ALDH3A1: variants seen among roughly 807,000 people sequenced by gnomAD.
ALDH3A1 encodes aldehyde dehydrogenase 3 family member A1, also known as aldehyde dehydrogenase, dimeric NADP-preferring.
ALDH3A1 carries 46 observed loss-of-function variants against 49.9 expected under a neutral mutation model. That is an observed-to-expected ratio of 0.92 (90% confidence interval 0.73 to 1.18). ALDH3A1 has a LOEUF of 1.18. Ranked by LOEUF, ALDH3A1 falls within the 50% of genes most tolerant of loss-of-function variation. The pLI is 0.00. For synonymous variants in ALDH3A1, 269 were observed against 253.3 expected, an observed-to-expected ratio of 1.06 and a Z score of -0.59; for missense variants, 592 against 611.8, an observed-to-expected ratio of 0.97 and a Z score of 0.34.
chr17:19,740,854 T>C (rs909852908), intron 6 of ALDH3A1, among the ~76,000 whole-genome samples: 2 of 152,154 alleles, frequency 1.3e-5, no homozygotes, highest in African/African-American at 4.8e-5. Flanking sequence ...TTTGTAAAGA[T>C]GGGATCTTGC....
intron 6 of ALDH3A1, 94 bp downstream of exon 6, chr17:19,740,999 A>G: frequency 1.1e-6 from 1 of 917,276 alleles, no homozygotes; most frequent in African/African-American, 1.6e-5. Flanking sequence ...AAATAAATCC[A>G]GTGTTTCCAA....
chr17:19,740,419 C>T lies in ALDH3A1; in HGVS notation c.866G>A (p.Arg289Gln), dbSNP rs115638369. The T allele has an allele frequency of 1.2e-4, 201 of 1,614,104 alleles. No individual in the cohort carries two copies. In the African/African-American group the frequency reaches 1.8e-3, roughly 15 times the overall value. Residue 289 changes from arginine to glutamine, a missense_variant, in exon 7 of 11, where the codon CGG becomes CAG. Transcript: ENST00000225740. ...SRDYGRIISA[R>Q]HFQRVMGLIE... ...CAGGCCCATCACCCTCTGGAAGTGC[C>T]GGGCACTAATGATTCTTCCATAGTC...
Position 19,738,186 on chromosome 17 carries a change from C to T in ALDH3A1, c.*35G>A. 1 of 1,613,698 alleles carries T rather than the reference C, an allele frequency of 6.2e-7. No homozygotes were observed. The highest frequency in any genetic ancestry group is 1.3e-5 in the African/African-American group (1 of 75,012). ...GAGGGTGGTCCGCACTCCGATGGGA[C>T]ACAGTATGGCCAGGCCAGGCGGAGC... On this transcript the variant is annotated 3_prime_UTR_variant, in exon 11 of 11. Transcript: ENST00000225740.
chr17:19,745,350 C>G (rs551002574), intron 1 of ALDH3A1: 64 of 514,088 alleles, frequency 1.2e-4, no homozygotes, highest in African/African-American at 9.1e-4. Flanking sequence ...AGGTGACACC[C>G]GCCGCAACCC....
Position 19,739,082 on chromosome 17 carries a change from ATCT to A in ALDH3A1, c.1127_1129del (p.Lys376del), listed in dbSNP as rs771373427. The A allele has an allele frequency of 9.9e-6, 16 of 1,613,566 alleles. No individual in the cohort carries two copies. The highest frequency in any genetic ancestry group is 3.3e-4 in the Middle Eastern group (2 of 6,062). ...CCCACCACTGGATGTCTCTGCAATC[ATCT>A]TCTTAATCACCTGCACCAGGACCCA... On this transcript the variant is annotated inframe_deletion, in exon 9 of 11. Transcript: ENST00000225740.
chr17:19,738,038 G>T lies in ALDH3A1; in HGVS notation c.*183C>A. 6.6e-7 allele frequency: 1 copy of T among 1,523,688 alleles called. No homozygotes were observed. The highest frequency in any genetic ancestry group is 1.2e-5 in the South Asian group (1 of 83,424). 94.4% of individuals were successfully genotyped at this position (1,523,688 alleles called of 1,614,324 possible). ...CTTTATTGGTCTAGAAAGGGGTGGAGACTTGGAATGGTGAGGCCTGGGCCC... is the reference window on the plus strand; with the variant it reads ...CTTTATTGGTCTAGAAAGGGGTGGATACTTGGAATGGTGAGGCCTGGGCCC... On this transcript the variant is annotated 3_prime_UTR_variant, in exon 11 of 11. Transcript: ENST00000225740.
At chr17:19,738,495 C>T in intron 9 of ALDH3A1, 42 bp from the exon 10 acceptor site, 1 of 1,589,130 alleles carries the variant, frequency 6.3e-7, no homozygotes, top group Non-Finnish European at 8.6e-7. Flanking sequence ...ATCCTGCCCC[C>T]AGGACGCCCC....
In ALDH3A1 at chr17:19,746,624, CGTGTGTGT is replaced by C. The variant is rs375726934; in HGVS notation, c.-5-1498_-5-1491del. Among the ~76,000 whole-genome samples the C allele has an allele frequency of 7.1e-3, 1,043 of 147,450 alleles. 9 individuals carry two copies. The highest frequency in any genetic ancestry group is 0.025 in the African/African-American group (984 of 39,128). On this transcript the variant is annotated intron_variant, in intron 1 of 10. Transcript: ENST00000225740. ...CCAGGCGTGTGCATGTGTGTGTGTG[CGTGTGTGT>C]GTGTGCGTGTGCGTGTGTGTGCATG...
chr17:19,738,071 A>G lies in ALDH3A1; in HGVS notation c.*150T>C. The G allele has an allele frequency of 6.4e-7, 1 of 1,564,328 alleles. No individual in the cohort carries two copies. The highest frequency in any genetic ancestry group is 8.6e-7 in the Non-Finnish European group (1 of 1,161,910). ...ATGGTGAGGCCTGGGCCCATGTGGG[A>G]GTGGGGTGTGCACAGGTCAGCAGGT... On this transcript the variant is annotated 3_prime_UTR_variant, in exon 11 of 11. Transcript: ENST00000225740.
At chr17:19,746,746 T>G (rs942415259) in intron 1 of ALDH3A1, among the ~76,000 whole-genome samples, 18 of 151,816 alleles carry the variant, frequency 1.2e-4, no homozygotes, top group Non-Finnish European at 1.9e-4. Context: ...CGTGTGTGTG[T>G]GGGCGTGCAC....
In ALDH3A1 at chr17:19,742,644, C is replaced by A; in HGVS notation, c.395-14G>T. ...CCACTGAGTTCCCTGCAGAGCACAC[C>A]GAGCCAGGCCTATGCCCAGGGTACT... On this transcript the variant is annotated splice_polypyrimidine_tract_variant and intron_variant, in intron 3 of 10. Transcript: ENST00000225740. 2 of 1,613,804 alleles carry A rather than the reference C, an allele frequency of 1.2e-6. No individual in the cohort carries two copies. Among genetic ancestry groups the A allele is most frequent in the South Asian group, 1.1e-5 (1 of 91,080 alleles).
At chr17:19,746,032 C>T (rs1389327570) in intron 1 of ALDH3A1, among the ~76,000 whole-genome samples, 2 of 152,200 alleles carry the variant, frequency 1.3e-5, no homozygotes. Context: ...GGCTATTCAG[C>T]ATGTTTGTAG....
rs1286007777 is a variant in ALDH3A1, at chr17:19,741,164, C to T, written c.736G>A (p.Ala246Thr). 6.2e-7 allele frequency: 1 copy of T among 1,613,990 alleles called. No individual in the cohort carries two copies. Among genetic ancestry groups the T allele is most frequent in the Non-Finnish European group, 8.5e-7 (1 of 1,179,918 alleles). ...KFMNSGQTCV[A>T]PDYILCDPSI... is the part of the protein sequence containing the mutation. Reference sequence around the variant, plus strand: ...GGGTCACAGAGGATGTAGTCAGGGGCCACGCAGGTCTGGCCACTGTTCATG... The same window carrying T: ...GGGTCACAGAGGATGTAGTCAGGGGTCACGCAGGTCTGGCCACTGTTCATG... The change falls in exon 6 of 11, where the codon GCC becomes ACC. Residue 246 changes from alanine to threonine, a missense_variant. By Grantham distance (58) the Ala-to-Thr change is moderately conservative. Coordinates refer to ENST00000225740, the MANE Select transcript of ALDH3A1 (RefSeq NM_000691.5).
At chr17:19,745,424 G>C (rs893576904) in intron 1 of ALDH3A1, 1 of 401,866 alleles carries the variant, frequency 2.5e-6, no homozygotes, top group African/African-American at 2.1e-5. Context: ...GCCTTTCCCG[G>C]CCTTTTCCGC....
In ALDH3A1 at chr17:19,742,634, C is replaced by A; in HGVS notation, c.395-4G>T. 1 of 1,613,926 alleles carries A rather than the reference C, an allele frequency of 6.2e-7. No homozygotes were observed. The highest frequency in any genetic ancestry group is 8.5e-7 in the Non-Finnish European group (1 of 1,180,006). On this transcript the variant is annotated splice_region_variant and splice_polypyrimidine_tract_variant and intron_variant, in intron 3 of 10. Coordinates refer to ENST00000225740, the MANE Select transcript of ALDH3A1 (RefSeq NM_000691.5). ...GGCTTGAGGACCACTGAGTTCCCTGCAGAGCACACCGAGCCAGGCCTATGC... is the reference window on the plus strand; with the variant it reads ...GGCTTGAGGACCACTGAGTTCCCTGAAGAGCACACCGAGCCAGGCCTATGC...
intron 2 of ALDH3A1, 57 bp downstream of exon 2, chr17:19,744,911 C>CCCACGCCCCAT: frequency 9.0e-7 from 1 of 1,112,686 alleles, no homozygotes; most frequent in Non-Finnish European, 1.2e-6. Flanking sequence ...GCCCCTCCCC[C>CCCACGCCCCAT]CACGCCCCAT....
At chr17:19,744,910 C>CA (rs1054343079) in intron 2 of ALDH3A1, 58 bp downstream of exon 2, 3 of 1,067,560 alleles carry the variant, frequency 2.8e-6, no homozygotes, top group South Asian at 1.8e-5. Flanking sequence ...AGCCCCTCCC[C>CA]CCACGCCCCA....
At chr17:19,745,723 A>G (rs2086587092) in intron 1 of ALDH3A1, 1 of 152,254 alleles carries the variant, frequency 6.6e-6, no homozygotes. Flanking sequence ...AGATTTCCAC[A>G]AAGAGGTGTG....
intron 5 of ALDH3A1, 148 bp downstream of exon 5, chr17:19,741,856 C>A: frequency 1.3e-6 from 1 of 788,424 alleles, no homozygotes; most frequent in Non-Finnish European, 2.0e-6. Flanking sequence ...CCCACCCCTA[C>A]CCCCATGTAA....
Sources: allele counts gnomAD v4.1 joint callset (sites outside exome capture counted in the v4.1 genomes callset), GRCh38; gene constraint gnomAD v4.1.1; transcripts MANE v1.5; gene names NCBI Gene and HGNC (gene_info 2026-07-23, HGNC 2026-07-21).